The following SORCS2 variants were observed in gnomAD, a reference collection of about 807,000 sequenced individuals.
The protein encoded by SORCS2 is sortilin related VPS10 domain containing receptor 2, also known as VPS10 domain-containing receptor SorCS2.
SORCS2 carries 100 observed loss-of-function variants against 141.6 expected under a neutral mutation model. That is an observed-to-expected ratio of 0.71 (90% CI 0.60 to 0.83). The LOEUF is 0.83. Among genes scored for constraint, SORCS2 ranks in the 40% least tolerant of loss-of-function variants. The probability of loss-of-function intolerance (pLI) is 0.00; values close to 1 mark genes in which losing one functional copy is unlikely to be tolerated. For missense variants in SORCS2, 1,646 were observed against 1,560.2 expected (o/e 1.05, Z -0.93); for synonymous variants, 789 against 676.9 (o/e 1.17, Z -2.57).
chr4:7,547,134 CA>C (rs1713322744), intron 3 of SORCS2, among the ~76,000 whole-genome samples: 1 of 152,152 alleles, frequency 6.6e-6, no homozygotes, highest in Non-Finnish European at 1.5e-5. Flanking sequence ...ATCACATGAA[CA>C]GTGCCACATC....
At chr4:7,722,060 A>G (rs1272178317) in intron 18 of SORCS2, among the ~76,000 whole-genome samples, 2 of 152,042 alleles carry the variant, frequency 1.3e-5, no homozygotes, top group South Asian at 2.1e-4. Context: ...TGGTCAGGAG[A>G]AAAAGACAAG....
chr4:7,371,849 T>C (rs1426574056), intron 1 of SORCS2, among the ~76,000 whole-genome samples: 2 of 152,168 alleles, frequency 1.3e-5, no homozygotes, highest in Non-Finnish European at 2.9e-5. Context: ...ACTTCGAGCC[T>C]TGGTTTCCAC....
At chr4:7,347,831 G>C (rs1240457020) in intron 1 of SORCS2, among the ~76,000 whole-genome samples, 1 of 152,172 alleles carries the variant, frequency 6.6e-6, no homozygotes, top group Non-Finnish European at 1.5e-5. Flanking sequence ...TTTTCCCTTA[G>C]TAATGCATTA....
At chr4:7,492,415 T>C (rs1345870788) in intron 2 of SORCS2, among the ~76,000 whole-genome samples, 3 of 152,210 alleles carry the variant, frequency 2.0e-5, no homozygotes, top group Non-Finnish European at 4.4e-5. Flanking sequence ...TCGTCCCTTC[T>C]TCGTAAAGGC....
intron 10 of SORCS2, among the ~76,000 whole-genome samples, chr4:7,685,092 C>T (rs1032928639): frequency 5.9e-5 from 9 of 152,192 alleles, no homozygotes; most frequent in African/African-American, 1.9e-4. Flanking sequence ...AAAACGCTTC[C>T]CAGAACAGAA....
chr4:7,446,610 A>C (rs1378059857), intron 2 of SORCS2, among the ~76,000 whole-genome samples: 2 of 152,096 alleles, frequency 1.3e-5, no homozygotes, highest in African/African-American at 2.4e-5. Flanking sequence ...CATGACCCTG[A>C]GCAGCCTTGT....
At chr4:7,544,262 A>G (rs1384020838) in intron 3 of SORCS2, among the ~76,000 whole-genome samples, 1 of 152,224 alleles carries the variant, frequency 6.6e-6, no homozygotes, top group Non-Finnish European at 1.5e-5. Context: ...TCCCATGGCC[A>G]TCTATGCTGC....
At chr4:7,556,434 C>A (rs1225134369) in intron 3 of SORCS2, among the ~76,000 whole-genome samples, 1 of 152,016 alleles carries the variant, frequency 6.6e-6, no homozygotes, top group Non-Finnish European at 1.5e-5. Context: ...CCCAGAGGAG[C>A]CCACCCAGAG....
At chr4:7,590,640 A>G (rs1415323815) in intron 3 of SORCS2, among the ~76,000 whole-genome samples, 1 of 152,226 alleles carries the variant, frequency 6.6e-6, no homozygotes, top group Non-Finnish European at 1.5e-5. Context: ...AGGCCCAGAG[A>G]CAAAGGGGCA....
At chr4:7,427,206 G>A (rs1318581471) in intron 2 of SORCS2, among the ~76,000 whole-genome samples, 2 of 152,152 alleles carry the variant, frequency 1.3e-5, no homozygotes, top group African/African-American at 4.8e-5. Flanking sequence ...GACCTAGGGG[G>A]CCTCTCGGTA....
At chr4:7,373,825 G>A (rs1722435833) in intron 1 of SORCS2, among the ~76,000 whole-genome samples, 1 of 151,942 alleles carries the variant, frequency 6.6e-6, no homozygotes, top group African/African-American at 2.4e-5. Context: ...TCCATTGCTG[G>A]ATGTGTACTT....
intron 1 of SORCS2, among the ~76,000 whole-genome samples, chr4:7,362,467 G>A (rs138832994): frequency 5.9e-5 from 9 of 152,266 alleles, no homozygotes; most frequent in South Asian, 2.1e-4. Context: ...TTTTCAAGAC[G>A]AATCCATTGC....
intron 4 of SORCS2, among the ~76,000 whole-genome samples, chr4:7,646,213 C>T (rs184604151): frequency 1.4e-3 from 214 of 152,334 alleles, no homozygotes; most frequent in African/African-American, 4.7e-3. Context: ...GCGTGAGCTC[C>T]GCACAGCGCA....
intron 1 of SORCS2, among the ~76,000 whole-genome samples, chr4:7,395,949 C>T (rs1026944525): frequency 2.6e-5 from 4 of 152,248 alleles, no homozygotes; most frequent in East Asian, 1.9e-4. Flanking sequence ...ATAGGGACCA[C>T]TGCCCTGGCA....
At chr4:7,234,219 G>A (rs1184973497) in intron 1 of SORCS2, among the ~76,000 whole-genome samples, 1 of 152,220 alleles carries the variant, frequency 6.6e-6, no homozygotes, top group African/African-American at 2.4e-5. Context: ...TTCGAGATGT[G>A]CTGGGTCTGA....
At chr4:7,448,784 C>T (rs1232894784) in intron 2 of SORCS2, among the ~76,000 whole-genome samples, 5 of 55,352 alleles carry the variant, frequency 9.0e-5, no homozygotes, top group African/African-American at 1.3e-4. Flanking sequence ...CCCTCCATCC[C>T]GCCCTCCCTC....
intron 3 of SORCS2, among the ~76,000 whole-genome samples, chr4:7,556,002 T>G (rs1714077370): frequency 6.6e-6 from 1 of 152,220 alleles, no homozygotes; most frequent in South Asian, 2.1e-4. Flanking sequence ...AGTGCCGATA[T>G]TCAACACTCA....
At chr4:7,656,292 G>A (rs916818297) in intron 5 of SORCS2, among the ~76,000 whole-genome samples, 27 of 152,122 alleles carry the variant, frequency 1.8e-4, no homozygotes, top group Non-Finnish European at 8.8e-5. Context: ...GCAGGGCCGC[G>A]GGTACCCGCC....
Position 7,303,803 on chromosome 4 carries a change from G to A in SORCS2, c.481-92485G>A, listed in dbSNP as rs1271976704. 4.6e-5 allele frequency among the ~76,000 whole-genome samples: 7 copies of A among 152,232 alleles called. No individual in the cohort carries two copies. In the East Asian group the frequency reaches 1.2e-3, roughly 25 times the overall value. On this transcript the variant is annotated intron_variant, in intron 1 of 26. Coordinates refer to ENST00000507866, the MANE Select transcript of SORCS2 (RefSeq NM_020777.3). ...CAGAGCGCAGGACGCAGACCTCGGC[G>A]CGTCTCTGTCCGGCTGCCACAGAGC...
Sources: gnomAD v4.1 joint callset for allele counts (sites outside exome capture counted in the v4.1 genomes callset) on GRCh38, gnomAD v4.1.1 for gene constraint, MANE v1.5 for transcripts, NCBI Gene and HGNC (gene_info 2026-07-23, HGNC 2026-07-21) for gene names.